EHMT1: variants seen among roughly 807,000 people sequenced by gnomAD.
The protein encoded by EHMT1 is euchromatic histone lysine methyltransferase 1.
In EHMT1, 15 loss-of-function variants were observed where a neutral mutation model predicts 147.2. The ratio of observed to expected loss-of-function variants is 0.10; its 90% CI spans 0.07 to 0.16. EHMT1 has a LOEUF of 0.16. Among genes scored for constraint, EHMT1 ranks in the 10% least tolerant of loss-of-function variants. EHMT1 has a pLI of 1.00. For missense variants in EHMT1, 1,587 were observed against 1,772.4 expected (o/e 0.90, Z 1.88); for synonymous variants, 795 against 709.6 (o/e 1.12, Z -1.91).
intron 3 of EHMT1, among the ~76,000 whole-genome samples, chr9:137,725,948 C>T (rs1451555812): frequency 6.6e-6 from 1 of 152,150 alleles, no homozygotes; most frequent in Admixed American, 6.5e-5. Context: ...GTAACCTCCA[C>T]AAGCACCTCC....
In EHMT1 at chr9:137,835,064, C is replaced by T; in HGVS notation, c.*111C>T. 2 of 1,250,640 alleles carry T rather than the reference C, an allele frequency of 1.6e-6. No homozygotes were observed. Among genetic ancestry groups the T allele is most frequent in the Non-Finnish European group, 2.1e-6 (2 of 975,376 alleles). 77.5% of individuals were successfully genotyped at this position (1,250,640 alleles called of 1,614,324 possible). A position where few individuals can be genotyped will look rare whatever the true frequency, so the allele number is the denominator to read the frequency against. Reference sequence around the variant, plus strand: ...CCGAAAGGGTCCTTCGGGGCTGCGCCGCCGGCTTCCTGGAGGGGTCGGAGG... The same window carrying T: ...CCGAAAGGGTCCTTCGGGGCTGCGCTGCCGGCTTCCTGGAGGGGTCGGAGG... On this transcript the variant is annotated 3_prime_UTR_variant, in exon 27 of 27. Transcript: ENST00000460843.
At chr9:137,823,413 TA>T (rs1955588195) in intron 25 of EHMT1, 6 of 308,998 alleles carry the variant, frequency 1.9e-5, no homozygotes, top group Admixed American at 7.3e-5. Flanking sequence ...AACGCCTGGG[TA>T]ATTTTTTTTT....
At position 137,657,851 on chromosome 9, in the gene EHMT1, CT is replaced by C. The variant is rs34591563; in HGVS notation, c.21+38813del. Among the ~76,000 whole-genome samples, 477 of 147,936 alleles carry C rather than the reference CT, an allele frequency of 3.2e-3. 1 individual carries two copies. The highest frequency in any genetic ancestry group is 0.015 in the South Asian group (72 of 4,664). On this transcript the variant is annotated intron_variant, in intron 1 of 26. Transcript: ENST00000460843. ...CCAGCCTCTGCAAACCATCCTTCTACTTTTTTTTTTTAATACTGCTTCTACA... is the reference window on the plus strand; with the variant it reads ...CCAGCCTCTGCAAACCATCCTTCTACTTTTTTTTTTAATACTGCTTCTACA...
At position 137,776,176 on chromosome 9, in the gene EHMT1, TC is replaced by T. The variant is rs1950942124; in HGVS notation, c.1792-440del. Among the ~76,000 whole-genome samples the T allele has an allele frequency of 6.6e-6, 1 of 152,176 alleles. No homozygotes were observed. The highest frequency in any genetic ancestry group is 2.1e-4 in the South Asian group (1 of 4,830). ...TGCTGTTCTTACGGCTGTGTGCCCCTCCTCGAGGCTCACCTGGGTCGCCAAA... is the reference window on the plus strand; with the variant it reads ...TGCTGTTCTTACGGCTGTGTGCCCCTCTCGAGGCTCACCTGGGTCGCCAAA... On this transcript the variant is annotated intron_variant, in intron 11 of 26. Coordinates refer to ENST00000460843, the MANE Select transcript of EHMT1 (RefSeq NM_024757.5). This position sits in a 1 kb window ranked among gnomAD's most constrained non-coding sequence, Gnocchi z 4.4.
In EHMT1 at chr9:137,716,893, C is replaced by G. The variant is rs1412668444; in HGVS notation, c.353C>G (p.Ser118Cys). 1.2e-6 allele frequency: 2 copies of G among 1,613,056 alleles called. No individual in the cohort carries two copies. The highest frequency in any genetic ancestry group is 8.5e-7 in the Non-Finnish European group (1 of 1,179,890). ...HVTADDFVQT[S>C]VIGSNGYILN... ...ACTGCCGACGACTTTGTGCAGACTT[C>G]TGTCATCGGCAGCAACGGATACATC... is the stretch of plus-strand genomic sequence containing the variant. Residue 118 changes from serine to cysteine, a missense_variant, in exon 3 of 27, where the codon TCT becomes TGT. Physicochemically the swap from Ser to Cys is moderately radical, Grantham distance 112. Transcript: ENST00000460843.
intron 10 of EHMT1, among the ~76,000 whole-genome samples, chr9:137,774,008 C>A (rs1950761764): frequency 6.6e-6 from 1 of 152,188 alleles, no homozygotes; most frequent in Admixed American, 6.5e-5. Flanking sequence ...CCTTCAAGTC[C>A]TGGTCCTCTC....
intron 18 of EHMT1, among the ~76,000 whole-genome samples, chr9:137,805,236 C>T (rs1052111940): frequency 1.3e-5 from 2 of 151,908 alleles, no homozygotes; most frequent in African/African-American, 4.8e-5. Flanking sequence ...TGTGTCAGTC[C>T]ACATGTGTGT....
At chr9:137,781,378 G>A (rs867040040) in intron 14 of EHMT1, among the ~76,000 whole-genome samples, 15 of 148,082 alleles carry the variant, frequency 1.0e-4, no homozygotes, top group African/African-American at 2.9e-4. Context: ...ATGACGCTGG[G>A]ATGTGTGGTG....
intron 23 of EHMT1, 159 bp downstream of exon 23, chr9:137,816,221 G>T: frequency 1.4e-6 from 1 of 704,012 alleles, no homozygotes; most frequent in East Asian, 2.7e-5. Flanking sequence ...TTATCCTCTA[G>T]AAATGTCACT....
rs202208554 is a variant in EHMT1, at chr9:137,716,642, C to T, written c.102C>T (p.Ala34=). 84 of 1,572,952 alleles carry T rather than the reference C, an allele frequency of 5.3e-5. No individual in the cohort carries two copies. Among genetic ancestry groups the T allele is most frequent in the Middle Eastern group, 1.7e-4 (1 of 5,860 alleles). The part of the protein sequence containing the change: ...ELLGEETPMA[A]DEGSAEKQAG... ...TGTTGGCAGAGACACCTATGGCTGCCGATGAAGGCTCAGCAGAGAAACAGG... is the reference window on the plus strand; with the variant it reads ...TGTTGGCAGAGACACCTATGGCTGCTGATGAAGGCTCAGCAGAGAAACAGG... The change falls in exon 3 of 27, where the codon GCC becomes GCT. Residue 34 remains alanine (A), a synonymous_variant. Coordinates refer to ENST00000460843, the MANE Select transcript of EHMT1 (RefSeq NM_024757.5).
At chr9:137,823,158 A>G (rs1176417342) in intron 25 of EHMT1, among the ~76,000 whole-genome samples, 5 of 137,988 alleles carry the variant, frequency 3.6e-5, no homozygotes, top group African/African-American at 5.6e-5. Flanking sequence ...GAGTGCAGTG[A>G]CGCAGTCTCG....
chr9:137,648,476 G>C lies in EHMT1; in HGVS notation c.21+29427G>C, dbSNP rs149606079. ...TTCAGACCAGCCTGGGCAACATAGA[G>C]AGACTCCTTCTCTCCAAAAAAAAAA... On this transcript the variant is annotated intron_variant, in intron 1 of 26. Transcript: ENST00000460843. Among the ~76,000 whole-genome samples the C allele has an allele frequency of 6.4e-3, 880 of 137,996 alleles. 6 individuals carry two copies. The highest frequency in any genetic ancestry group is 0.011 in the Admixed American group (145 of 12,676). 90.5% of individuals were successfully genotyped at this position (137,996 alleles called of 152,430 possible).
intron 10 of EHMT1, among the ~76,000 whole-genome samples, chr9:137,771,694 G>A (rs756600690): frequency 6.6e-5 from 10 of 151,950 alleles, no homozygotes; most frequent in African/African-American, 1.9e-4. Context: ...CCGGGGTGGC[G>A]GGGCGTTTTG....
chr9:137,833,855 T>C (rs1456106048), intron 25 of EHMT1, among the ~76,000 whole-genome samples: 2 of 152,236 alleles, frequency 1.3e-5, no homozygotes, highest in Admixed American at 6.5e-5. Flanking sequence ...CATTCGCCAC[T>C]GAGTCTTCCC....
chr9:137,662,207 T>A lies in EHMT1; in HGVS notation c.21+43158T>A, dbSNP rs981496145. Among the ~76,000 whole-genome samples the A allele has an allele frequency of 2.0e-5, 3 of 152,054 alleles. No individual in the cohort carries two copies. In the East Asian group the frequency reaches 5.8e-4, roughly 29 times the overall value. ...AATTGCTGATATTTTTGTTTAGATA[T>A]TTTTTTTCCAGACAGGGTTTCACTC... On this transcript the variant is annotated intron_variant, in intron 1 of 26. Coordinates refer to ENST00000460843, the MANE Select transcript of EHMT1 (RefSeq NM_024757.5).
At chr9:137,712,030 G>A (rs1017165586) in intron 2 of EHMT1, among the ~76,000 whole-genome samples, 15 of 152,202 alleles carry the variant, frequency 9.9e-5, no homozygotes, top group Non-Finnish European at 1.6e-4. Context: ...ACCGCTGCCC[G>A]CCTCTGCCGC....
intron 1 of EHMT1, among the ~76,000 whole-genome samples, chr9:137,647,131 G>T (rs1269432742): frequency 6.6e-6 from 1 of 152,162 alleles, no homozygotes; most frequent in Non-Finnish European, 1.5e-5. Flanking sequence ...TCCCAGTCCT[G>T]TTTGGAGGAC....
chr9:137,749,560 A>G (rs112045071), intron 6 of EHMT1, among the ~76,000 whole-genome samples: 1 of 152,036 alleles, frequency 6.6e-6, no homozygotes, highest in African/African-American at 2.4e-5. Context: ...TTGGCTTCCC[A>G]AAGTGCTGGG....
At chr9:137,824,666 C>G (rs1955686247) in intron 25 of EHMT1, among the ~76,000 whole-genome samples, 1 of 152,198 alleles carries the variant, frequency 6.6e-6, no homozygotes, top group South Asian at 2.1e-4. Context: ...TTTCTCTCAG[C>G]AGAGCCTTGT....
Sources: gnomAD v4.1 joint callset for allele counts (sites outside exome capture counted in the v4.1 genomes callset) on GRCh38, gnomAD v4.1.1 for gene constraint, Gnocchi (gnomAD v3.1) non-coding constraint, MANE v1.5 for transcripts, NCBI Gene and HGNC (gene_info 2026-07-23, HGNC 2026-07-21) for gene names.